RIPOR1: variants seen among roughly 807,000 people sequenced by gnomAD.
RIPOR1 encodes rho family-interacting cell polarization regulator 1.
RIPOR1 carries 58 observed loss-of-function variants against 116.5 expected under a neutral mutation model. That is an observed-to-expected ratio of 0.50 (90% CI 0.40 to 0.62). RIPOR1 has a LOEUF of 0.62. RIPOR1 is among the 20% of genes least tolerant of loss of function. RIPOR1 has a pLI of 0.00. For missense variants in RIPOR1, 1,372 were observed against 1,586.2 expected (o/e 0.86, Z 2.29); for synonymous variants, 605 against 650.0 (o/e 0.93, Z 1.05).
chr16:67,520,658 G>A (rs906228569), intron 1 of RIPOR1, among the ~76,000 whole-genome samples: 3 of 151,948 alleles, frequency 2.0e-5, no homozygotes, highest in African/African-American at 7.3e-5. Context: ...AAAATTAGCT[G>A]GGCATGGGGT....
At chr16:67,520,329 T>C in intron 1 of RIPOR1, among the ~76,000 whole-genome samples, 1 of 146,792 alleles carries the variant, frequency 6.8e-6, no homozygotes. Context: ...TGCAGTGAGC[T>C]GAGATCGCGC....
In RIPOR1 at chr16:67,532,786, C is replaced by A. The variant is rs148025428; in HGVS notation, c.-24+3872C>A. Among the ~76,000 whole-genome samples, 886 of 152,358 alleles carry A rather than the reference C, an allele frequency of 5.8e-3. 6 individuals are homozygous for A. Among genetic ancestry groups the A allele is most frequent in the African/African-American group, 0.02 (818 of 41,582 alleles). On this transcript the variant is annotated intron_variant, in intron 1 of 21. Coordinates refer to ENST00000042381, the MANE Select transcript of RIPOR1 (RefSeq NM_024519.4). ...ATTAAATGAGATGATGTTTGCTAAG[C>A]TCAATGCCTGGCATATAGAATGCTC...
rs1276541995 is a variant in RIPOR1 at position 67,544,852 on chromosome 16, G to T, written c.2869+22G>T. ...GAAGGTAAAGGCCCTGGGGGTTCGG[G>T]CTCTGCCATCTGCCTTGAAGCTCCT... On this transcript the variant is annotated intron_variant, in intron 16 of 21. Transcript: ENST00000042381. This position sits in a 1 kb window ranked among gnomAD's most constrained non-coding sequence, Gnocchi z 5.1. The T allele has an allele frequency of 6.3e-7, 1 of 1,590,278 alleles. No homozygotes were observed. Among genetic ancestry groups the T allele is most frequent in the Non-Finnish European group, 8.6e-7 (1 of 1,164,192 alleles).
rs893000247 is a variant in RIPOR1, at chr16:67,540,921, C to A, written c.801+217C>A. On this transcript the variant is annotated intron_variant, in intron 10 of 21. Transcript: ENST00000042381. This position sits in a 1 kb window ranked among gnomAD's most constrained non-coding sequence, Gnocchi z 4.7. ...CCTGACCCTGTGACCTCCTCATGAT[C>A]TTCTGACCCTGTGAATATTTGACCT... Among the ~76,000 whole-genome samples, 1 of 152,150 alleles carries A rather than the reference C, an allele frequency of 6.6e-6. No homozygotes were observed. Among genetic ancestry groups the A allele is most frequent in the Non-Finnish European group, 1.5e-5 (1 of 68,026 alleles).
intron 4 of RIPOR1, 52 bp downstream of exon 4, chr16:67,539,120 G>T (rs770828420): frequency 1.3e-6 from 2 of 1,483,944 alleles, no homozygotes; most frequent in African/African-American, 2.8e-5. Flanking sequence ...TGGAGGGCTG[G>T]GCAAGGGCAG....
chr16:67,535,927 C>T (rs936573165), intron 1 of RIPOR1, among the ~76,000 whole-genome samples: 1 of 152,106 alleles, frequency 6.6e-6, no homozygotes, highest in African/African-American at 2.4e-5. Flanking sequence ...AACTGAGGTC[C>T]CTGGACCTCT....
At chr16:67,534,139 ATT>A (rs555946630) in intron 1 of RIPOR1, among the ~76,000 whole-genome samples, 2 of 139,856 alleles carry the variant, frequency 1.4e-5, no homozygotes, top group African/African-American at 5.3e-5. Flanking sequence ...CTTTTTTGTA[ATT>A]TTTTTTTTTT....
chr16:67,528,083 G>A (rs757656773), upstream of RIPOR1, among the ~76,000 whole-genome samples: 3 of 152,038 alleles, frequency 2.0e-5, no homozygotes, highest in Non-Finnish European at 4.4e-5. Context: ...CTGATTGATG[G>A]GAGGAGCGGG....
upstream of RIPOR1, among the ~76,000 whole-genome samples, chr16:67,525,811 C>G (rs2050535276): frequency 1.3e-5 from 2 of 152,160 alleles, no homozygotes; most frequent in African/African-American, 4.8e-5. Flanking sequence ...CAGGGCCGAG[C>G]TGACCACGAC....
At position 67,530,651 on chromosome 16, in the gene RIPOR1, G is replaced by C. The variant is rs1180636855; in HGVS notation, c.-24+1737G>C. Among the ~76,000 whole-genome samples the C allele has an allele frequency of 7.9e-5, 12 of 152,178 alleles. No individual in the cohort carries two copies. In the East Asian group the frequency reaches 1.4e-3, roughly 17 times the overall value. Reference sequence around the variant, plus strand: ...TGGTGGGATATTCCGCCGCACCCGGGTGTGCCAGTCTTGGTGTGTAGGAAG... The same window carrying C: ...TGGTGGGATATTCCGCCGCACCCGGCTGTGCCAGTCTTGGTGTGTAGGAAG... On this transcript the variant is annotated intron_variant, in intron 1 of 21. Coordinates refer to ENST00000042381, the MANE Select transcript of RIPOR1 (RefSeq NM_024519.4). The surrounding 1 kb of genome is among the most constrained non-coding windows in gnomAD (Gnocchi z 4.5).
In RIPOR1 at chr16:67,538,993, C is replaced by T; in HGVS notation, c.261C>T (p.Ala87=). Residue 87 remains alanine (A), a synonymous_variant, in exon 4 of 22, where the codon GCC becomes GCT. Coordinates refer to ENST00000042381, the MANE Select transcript of RIPOR1 (RefSeq NM_024519.4). The part of the protein sequence containing the change: ...VYTALKRGLT[A]YLEVHQQEQE... ...TTGTGGTCGCCCCTTTCCTCAGGGC[C>T]TACTTGGAAGTGCACCAGCAGGAGC... The T allele has an allele frequency of 6.2e-7, 1 of 1,613,880 alleles. No homozygotes were observed. Among genetic ancestry groups the T allele is most frequent in the Non-Finnish European group, 8.5e-7 (1 of 1,179,944 alleles).
upstream of RIPOR1, among the ~76,000 whole-genome samples, chr16:67,524,173 T>TAAAGC (rs2050521610): frequency 6.6e-6 from 1 of 152,200 alleles, no homozygotes; most frequent in Admixed American, 6.5e-5. Context: ...TGGGTGCACT[T>TAAAGC]AAAGCATCAG....
Position 67,537,884 on chromosome 16 carries a change from G to T in RIPOR1, c.-23-540G>T, listed in dbSNP as rs2050841672. ...GGCCGGTGGGGGCTGGGGGCAGCAG[G>T]TCACGCTGGCAGGCGGGGGGCGGGC... On this transcript the variant is annotated intron_variant, in intron 1 of 21. Coordinates refer to ENST00000042381, the MANE Select transcript of RIPOR1 (RefSeq NM_024519.4). This position sits in a 1 kb window ranked among gnomAD's most constrained non-coding sequence, Gnocchi z 4.6. Among the ~76,000 whole-genome samples the T allele has an allele frequency of 6.6e-6, 1 of 151,594 alleles. No homozygotes were observed. The highest frequency in any genetic ancestry group is 6.5e-5 in the Admixed American group (1 of 15,272).
At chr16:67,536,445 G>A (rs2050796895) in intron 1 of RIPOR1, among the ~76,000 whole-genome samples, 1 of 152,108 alleles carries the variant, frequency 6.6e-6, no homozygotes, top group South Asian at 2.1e-4. Flanking sequence ...AAAAAAAAGA[G>A]AGGTACTGGG....
In RIPOR1 at chr16:67,540,561, TCCTA is replaced by T. The variant is rs2050950469; in HGVS notation, c.676-14_676-11del. ...GGGTCCCAACACCTAGGCTGCCTCATCCTACCTGTTCCCCCAGATCTGCATGAAA... is the reference window on the plus strand; with the variant it reads ...GGGTCCCAACACCTAGGCTGCCTCATCCTGTTCCCCCAGATCTGCATGAAA... On this transcript the variant is annotated splice_polypyrimidine_tract_variant and intron_variant, in intron 9 of 21. Transcript: ENST00000042381. The surrounding 1 kb of genome is among the most constrained non-coding windows in gnomAD (Gnocchi z 4.7). 3.1e-6 allele frequency: 5 copies of T among 1,614,006 alleles called. No homozygotes were observed. Among genetic ancestry groups the T allele is most frequent in the Non-Finnish European group, 3.4e-6 (4 of 1,179,954 alleles).
chr16:67,525,472 G>C (rs2050532429), upstream of RIPOR1, among the ~76,000 whole-genome samples: 1 of 152,184 alleles, frequency 6.6e-6, no homozygotes, highest in Non-Finnish European at 1.5e-5. Flanking sequence ...AGCTGGGATG[G>C]GGGTGGGGGT....
upstream of RIPOR1, among the ~76,000 whole-genome samples, chr16:67,526,226 G>T (rs531564837): frequency 9.8e-4 from 149 of 152,304 alleles, 1 homozygote; most frequent in African/African-American, 3.1e-3. Context: ...AGTGGATGAG[G>T]GGGAGAAGCA....
Position 67,541,410 on chromosome 16 carries a change from C to T in RIPOR1, c.802-20C>T. On this transcript the variant is annotated intron_variant, in intron 10 of 21. Transcript: ENST00000042381. The surrounding 1 kb of genome is among the most constrained non-coding windows in gnomAD (Gnocchi z 4.6). ...TAGCCCCTGCACCCTTGTGACCCTA[C>T]CATGCACTCTTGGCTACAGGTGACA... 6.2e-7 allele frequency: 1 copy of T among 1,610,958 alleles called. No individual in the cohort carries two copies. The highest frequency in any genetic ancestry group is 8.5e-7 in the Non-Finnish European group (1 of 1,178,166).
chr16:67,546,588 TA>T lies in RIPOR1; in HGVS notation c.*127del. 1.4e-6 allele frequency: 1 copy of T among 733,106 alleles called. No individual in the cohort carries two copies. The highest frequency in any genetic ancestry group is 2.2e-6 in the Non-Finnish European group (1 of 446,266). 45.4% of individuals were successfully genotyped at this position (733,106 alleles called of 1,614,324 possible). A position where few individuals can be genotyped will look rare whatever the true frequency, so the allele number is the denominator to read the frequency against. The stretch of plus-strand genomic sequence containing the variant: ...CCACAGATTCCTAGCAATGAAAATC[TA>T]ATATATTCTTCTGTTGCCCCTGGGG... On this transcript the variant is annotated 3_prime_UTR_variant, in exon 22 of 22. Transcript: ENST00000042381.
Sources: allele counts gnomAD v4.1 joint callset (sites outside exome capture counted in the v4.1 genomes callset), GRCh38; gene constraint gnomAD v4.1.1; non-coding constraint Gnocchi (gnomAD v3.1); transcripts MANE v1.5; gene names NCBI Gene and HGNC (gene_info 2026-07-23, HGNC 2026-07-21).